ITGA9: variants seen among roughly 807,000 people sequenced by gnomAD.
ITGA9 encodes integrin alpha-9.
ITGA9 carries 56 observed loss-of-function variants against 127.8 expected under a neutral mutation model. That is an observed-to-expected ratio of 0.44 (90% CI 0.35 to 0.55). The LOEUF is 0.55. Ranked by LOEUF, ITGA9 falls within the 20% of genes least tolerant of loss-of-function variation. The pLI is 0.00. For synonymous variants in ITGA9, 508 were observed against 514.5 expected (o/e 0.99, Z 0.17); for missense variants, 1,196 against 1,347.1 (o/e 0.89, Z 1.76).
chr3:37,695,982 G>C (rs940415794), intron 18 of ITGA9, among the ~76,000 whole-genome samples: 1 of 152,190 alleles, frequency 6.6e-6, no homozygotes, highest in Non-Finnish European at 1.5e-5. Context: ...TTCCCTGATG[G>C]TGCTTTTTGG....
intron 15 of ITGA9, among the ~76,000 whole-genome samples, chr3:37,605,216 C>T (rs770085962): frequency 1.3e-4 from 20 of 151,854 alleles, no homozygotes; most frequent in Non-Finnish European, 2.4e-4. Flanking sequence ...TAGGGAGCCT[C>T]GGGACTAGAG....
chr3:37,721,174 T>C (rs1421470327), intron 18 of ITGA9, among the ~76,000 whole-genome samples: 1 of 143,822 alleles, frequency 7.0e-6, no homozygotes, highest in Non-Finnish European at 1.5e-5. Flanking sequence ...CAGGCTGGAG[T>C]GCAGTGGTGC....
At chr3:37,798,190 A>G (rs555593196) in intron 26 of ITGA9, among the ~76,000 whole-genome samples, 64 of 152,172 alleles carry the variant, frequency 4.2e-4, no homozygotes, top group South Asian at 2.3e-3. Context: ...AGGTCTCACT[A>G]TGTTACCCAG....
At chr3:37,803,796 T>C (rs755123549) in intron 26 of ITGA9, 27 bp from the exon 27 acceptor site, 1 of 1,613,354 alleles carries the variant, frequency 6.2e-7, no homozygotes, top group Non-Finnish European at 8.5e-7. Flanking sequence ...AAAAAGGAAA[T>C]GTTTTCACTG....
chr3:37,452,598 G>T lies in ITGA9; in HGVS notation c.185+39G>T. 1 of 1,476,610 alleles carries T rather than the reference G, an allele frequency of 6.8e-7. No individual in the cohort carries two copies. The highest frequency in any genetic ancestry group is 9.0e-7 in the Non-Finnish European group (1 of 1,109,736). The allele number at this position is 1,476,610 out of a possible 1,614,324, so 91.5% of individuals were successfully genotyped here. On this transcript the variant is annotated intron_variant, in intron 1 of 27. Transcript: ENST00000264741. The surrounding 1 kb of genome is among the most constrained non-coding windows in gnomAD (Gnocchi z 7.3). ...CGACTCCGCGACCCTGGCCCGCGCG[G>T]CCACCGCCCCGGCCCCCAGGCCAGC...
chr3:37,714,580 T>TGCTTCCCTCCCAAGGGAAGGAAGCC (rs1369502450), intron 18 of ITGA9, among the ~76,000 whole-genome samples: 11 of 152,212 alleles, frequency 7.2e-5, no homozygotes, highest in Non-Finnish European at 1.3e-4. Context: ...TCCAGGAAGC[T>TGCTTCCCTCCCAAGGGAAGGAAGCC]GCTTCCCTCC....
intron 17 of ITGA9, among the ~76,000 whole-genome samples, chr3:37,665,315 A>T (rs1700575684): frequency 6.6e-6 from 1 of 151,994 alleles, no homozygotes; most frequent in South Asian, 2.1e-4. Context: ...ATCTCTGGCT[A>T]TAGGAATGGA....
chr3:37,703,160 C>T (rs1199366659), intron 18 of ITGA9, among the ~76,000 whole-genome samples: 2 of 152,330 alleles, frequency 1.3e-5, no homozygotes, highest in African/African-American at 4.8e-5. Context: ...TGGTTTATTA[C>T]AGCAGAAACT....
intron 23 of ITGA9, among the ~76,000 whole-genome samples, chr3:37,768,221 T>C (rs1324346282): frequency 6.6e-6 from 1 of 152,234 alleles, no homozygotes; most frequent in Non-Finnish European, 1.5e-5. Flanking sequence ...TTAAGGCTGC[T>C]AAGCAACCAT....
intron 18 of ITGA9, among the ~76,000 whole-genome samples, chr3:37,700,065 C>G (rs150159935): frequency 2.6e-5 from 4 of 152,286 alleles, no homozygotes; most frequent in Non-Finnish European, 5.9e-5. Flanking sequence ...CTCACTGCAA[C>G]CTCCGCCTCC....
intron 18 of ITGA9, among the ~76,000 whole-genome samples, chr3:37,684,311 A>G (rs894260206): frequency 6.6e-6 from 1 of 152,018 alleles, no homozygotes; most frequent in Non-Finnish European, 1.5e-5. Context: ...CTTCTTGGAG[A>G]TGATACAGTT....
intron 15 of ITGA9, among the ~76,000 whole-genome samples, chr3:37,554,080 C>T (rs1022373701): frequency 6.6e-6 from 1 of 151,934 alleles, no homozygotes; most frequent in African/African-American, 2.4e-5. Flanking sequence ...GATCCTTGTC[C>T]CCCTGGGAGT....
intron 15 of ITGA9, among the ~76,000 whole-genome samples, chr3:37,622,137 C>CTTTT (rs5848098): frequency 7.2e-6 from 1 of 139,832 alleles, no homozygotes; most frequent in Non-Finnish European, 1.5e-5. Flanking sequence ...TGTTTGTTTA[C>CTTTT]TTTTTTTTTT....
At chr3:37,460,690 C>T (rs765116080) in intron 1 of ITGA9, among the ~76,000 whole-genome samples, 15 of 150,836 alleles carry the variant, frequency 9.9e-5, no homozygotes, top group East Asian at 2.0e-4. Context: ...TCTGGGTTCA[C>T]GCCATTCTCC....
At chr3:37,776,228 G>A (rs376279643) in intron 23 of ITGA9, among the ~76,000 whole-genome samples, 1 of 152,044 alleles carries the variant, frequency 6.6e-6, no homozygotes, top group East Asian at 1.9e-4. Context: ...AATAACTATT[G>A]GGTACTAGGC....
In ITGA9 at chr3:37,741,788, C is replaced by T. The variant is rs774191680; in HGVS notation, c.2293C>T (p.Leu765=). The T allele has an allele frequency of 3.7e-6, 6 of 1,613,786 alleles. No individual in the cohort carries two copies. Among genetic ancestry groups the T allele is most frequent in the Non-Finnish European group, 5.1e-6 (6 of 1,179,848 alleles). Residue 765 remains leucine, a synonymous_variant, in exon 21 of 28, where the codon CTG becomes TTG. Transcript: ENST00000264741. ...CAACACCCTCGTGCTGATGGTGCCA[C>T]TGATGCACGAGGTGGACACGTCCAT... ...HDNTLVLMVP[L]MHEVDTSITG... is the part of the protein sequence containing the mutation.
intron 3 of ITGA9, among the ~76,000 whole-genome samples, chr3:37,477,183 A>G (rs879321070): frequency 1.3e-5 from 2 of 152,152 alleles, no homozygotes; most frequent in Non-Finnish European, 2.9e-5. Context: ...TGGGAAGGAT[A>G]TGTGTTGTTC....
chr3:37,720,342 A>G (rs1701178471), intron 18 of ITGA9, among the ~76,000 whole-genome samples: 1 of 152,176 alleles, frequency 6.6e-6, no homozygotes, highest in Admixed American at 6.5e-5. Flanking sequence ...ACCATTCATG[A>G]GTTGTTTTTA....
rs1228358313 is a variant in ITGA9 at position 37,629,250 on chromosome 3, G to A, written c.1753G>A (p.Val585Met). Residue 585 changes from valine (V) to methionine (M), a missense_variant, in exon 16 of 28, where the codon GTG becomes ATG. By Grantham distance (21) the Val-to-Met change is conservative. Transcript: ENST00000264741. This position sits in a 1 kb window ranked among gnomAD's most constrained non-coding sequence, Gnocchi z 4.5. ...FEAAYSLSEH[V>M]TGEEERELPP... ...AGCAGCCTACAGCCTCAGTGAGCAT[G>A]TGACTGGAGAGGAGGAGAGGGAACT... 1.9e-6 allele frequency: 3 copies of A among 1,613,996 alleles called. No homozygotes were observed. In the South Asian group the frequency reaches 3.3e-5, roughly 18 times the overall value.
Sources: gnomAD v4.1 joint callset for allele counts (sites outside exome capture counted in the v4.1 genomes callset) on GRCh38, gnomAD v4.1.1 for gene constraint, Gnocchi (gnomAD v3.1) non-coding constraint, MANE v1.5 for transcripts, NCBI Gene and HGNC (gene_info 2026-07-23, HGNC 2026-07-21) for gene names.